The following MALT1 variants were observed in gnomAD, a reference collection of about 807,000 sequenced individuals.
MALT1 encodes mucosa-associated lymphoid tissue lymphoma translocation protein 1.
In MALT1, 36 loss-of-function variants were observed where a neutral mutation model predicts 85.5. That is an observed-to-expected ratio of 0.42 (90% CI 0.32 to 0.56). The LOEUF (loss-of-function observed/expected upper bound fraction) is 0.56. Ranked by LOEUF, MALT1 falls within the 20% of genes least tolerant of loss-of-function variation. MALT1 has a pLI of 0.10. For missense variants in MALT1, 716 were observed against 981.6 expected (o/e 0.73, Z 3.62); for synonymous variants, 359 against 361.3 (o/e 0.99, Z 0.07).
At chr18:58,674,066 C>A (rs1256428766) in intron 1 of MALT1, 2 of 151,998 alleles carry the variant, frequency 1.3e-5, no homozygotes, top group East Asian at 1.9e-4. Context: ...CTAACGAGTA[C>A]TCTGGTTAGG....
intron 7 of MALT1, among the ~76,000 whole-genome samples, 194 bp from the exon 8 acceptor site, chr18:58,713,889 A>C (rs956006173): frequency 6.6e-6 from 1 of 152,220 alleles, no homozygotes; most frequent in Non-Finnish European, 1.5e-5. Context: ...GAAGTCCTAA[A>C]TGATAAGCAC....
intron 13 of MALT1, 52 bp from the exon 14 acceptor site, chr18:58,741,813 A>G (rs2055304940): frequency 3.5e-6 from 4 of 1,146,884 alleles, no homozygotes; most frequent in Non-Finnish European, 4.9e-6. Flanking sequence ...TAAATATTTA[A>G]AACATAAGAA....
intron 3 of MALT1, 135 bp downstream of exon 3, chr18:58,696,622 G>A: frequency 1.7e-6 from 1 of 592,184 alleles, no homozygotes; most frequent in Non-Finnish European, 2.7e-6. Flanking sequence ...TATTACTGAA[G>A]TAGTCAATAG....
At chr18:58,740,125 G>A (rs901773790) in intron 13 of MALT1, among the ~76,000 whole-genome samples, 4 of 152,084 alleles carry the variant, frequency 2.6e-5, no homozygotes, top group South Asian at 2.1e-4. Flanking sequence ...TTTCAAATTC[G>A]TTGTCATTTA....
At chr18:58,708,530 A>G (rs1297969948) in intron 4 of MALT1, among the ~76,000 whole-genome samples, 2 of 152,180 alleles carry the variant, frequency 1.3e-5, no homozygotes, top group African/African-American at 4.8e-5. Context: ...TTCTAAAGGC[A>G]TTAGGTGGCA....
intron 15 of MALT1, 107 bp downstream of exon 15, chr18:58,744,602 TTA>T (rs1304217817): frequency 6.5e-6 from 3 of 462,878 alleles, no homozygotes; most frequent in East Asian, 4.3e-5. Flanking sequence ...ATATATATAT[TTA>T]TATATGTGTA....
chr18:58,737,474 C>T (rs1232442071), intron 13 of MALT1, among the ~76,000 whole-genome samples: 1 of 138,924 alleles, frequency 7.2e-6, no homozygotes, highest in African/African-American at 2.8e-5. Context: ...GAGCAAGCCC[C>T]ATCTCAAAAA....
intron 4 of MALT1, among the ~76,000 whole-genome samples, chr18:58,704,214 C>G (rs4940422): frequency 0.17 from 26,061 of 152,280 alleles, 2,303 homozygotes; most frequent in Admixed American, 0.21. Context: ...TTGCTGAATC[C>G]TAGAGTAGAT....
Position 58,747,998 on chromosome 18 carries a change from AATTACATTATTTAAT to A in MALT1, c.*157_*171del. On this transcript the variant is annotated 3_prime_UTR_variant, in exon 17 of 17. Coordinates refer to ENST00000649217, the MANE Select transcript of MALT1 (RefSeq NM_006785.4). The stretch of plus-strand genomic sequence containing the variant: ...AAACTTCAGGACTTTGAGATGTTGA[AATTACATTATTTAAT>A]TACAGACTTCCTCTTTCTAAGATTT... 3.3e-6 allele frequency: 2 copies of A among 610,736 alleles called. No homozygotes were observed. Among genetic ancestry groups the A allele is most frequent in the South Asian group, 4.0e-5 (2 of 50,396 alleles). 37.8% of individuals were successfully genotyped at this position (610,736 alleles called of 1,614,324 possible). A position where few individuals can be genotyped will look rare whatever the true frequency, so the allele number is the denominator to read the frequency against.
chr18:58,749,380 G>C lies in MALT1; in HGVS notation c.*1538G>C, dbSNP rs148268890. ...ACATGCCTGAGGCACCCCCCTAACAGGTGTCAGAGCTGAAATTCAAACCCC... is the reference window on the plus strand; with the variant it reads ...ACATGCCTGAGGCACCCCCCTAACACGTGTCAGAGCTGAAATTCAAACCCC... On this transcript the variant is annotated 3_prime_UTR_variant, in exon 17 of 17. Coordinates refer to ENST00000649217, the MANE Select transcript of MALT1 (RefSeq NM_006785.4). The C allele has an allele frequency of 4.6e-6, 1 of 216,790 alleles. No homozygotes were observed. The highest frequency in any genetic ancestry group is 6.9e-5 in the East Asian group (1 of 14,582). The allele number at this position is 216,790 out of a possible 1,614,324, so 13.4% of individuals were successfully genotyped here.
At chr18:58,691,159 G>T in intron 2 of MALT1, 1 of 247,994 alleles carries the variant, frequency 4.0e-6, no homozygotes, top group Non-Finnish European at 8.1e-6. Context: ...TCATGTTCTC[G>T]AGGCCTTCTG....
rs1171925177 is a variant in MALT1, at chr18:58,681,853, G to A, written c.376+517G>A. ...TCTTATGAGTTTTTCCTGAATTACC[G>A]ATATTGGATGAGGCTTTGTACTTCC... is the stretch of plus-strand genomic sequence containing the variant. On this transcript the variant is annotated intron_variant, in intron 2 of 16. Coordinates refer to ENST00000649217, the MANE Select transcript of MALT1 (RefSeq NM_006785.4). Among the ~76,000 whole-genome samples, 5 of 152,144 alleles carry A rather than the reference G, an allele frequency of 3.3e-5. No homozygotes were observed. In the East Asian group the frequency reaches 5.8e-4, roughly 18 times the overall value.
In MALT1 at chr18:58,746,730, T is replaced by A. The variant is rs540117074; in HGVS notation, c.2038-675T>A. On this transcript the variant is annotated intron_variant, in intron 16 of 16. Transcript: ENST00000649217. Reference sequence around the variant, plus strand: ...TTTATAAAACTGGTATAAAACCAGGTTTTTTTTTTTGTTTTGAGATGGTGT... The same window carrying A: ...TTTATAAAACTGGTATAAAACCAGGATTTTTTTTTTGTTTTGAGATGGTGT... 5.6e-3 allele frequency among the ~76,000 whole-genome samples: 570 copies of A among 102,390 alleles called. 3 individuals carry two copies. The highest frequency in any genetic ancestry group is 0.028 in the Middle Eastern group (5 of 178). 67.2% of individuals were successfully genotyped at this position (102,390 alleles called of 152,430 possible). A position where few individuals can be genotyped will look rare whatever the true frequency, so the allele number is the denominator to read the frequency against.
Position 58,671,739 on chromosome 18 carries a change from C to A in MALT1, c.96C>A (p.Arg32=). ...LAPPAGATLN[R]LREPLLRRLS... ...CTCCGGCCGGCGCGACCCTCAACCG[C>A]CTGCGGGAGCCGCTGCTGCGGAGGC... Residue 32 remains arginine, a synonymous_variant, in exon 1 of 17, where the codon CGC becomes CGA. Transcript: ENST00000649217. 7.8e-7 allele frequency: 1 copy of A among 1,277,560 alleles called. No homozygotes were observed. Among genetic ancestry groups the A allele is most frequent in the South Asian group, 2.6e-5 (1 of 38,882 alleles). The allele number at this position is 1,277,560 out of a possible 1,614,324, so 79.1% of individuals were successfully genotyped here. A position where few individuals can be genotyped will look rare whatever the true frequency, so the allele number is the denominator to read the frequency against.
intron 10 of MALT1, among the ~76,000 whole-genome samples, chr18:58,725,903 G>A (rs1602325984): frequency 6.6e-6 from 1 of 151,958 alleles, no homozygotes; most frequent in South Asian, 2.1e-4. Context: ...TCTACTAAAA[G>A]TACAAAAATT....
intron 1 of MALT1, chr18:58,672,631 AT>A (rs1602264691): frequency 6.6e-6 from 1 of 152,226 alleles, no homozygotes; most frequent in Admixed American, 6.5e-5. Flanking sequence ...AAAAATATTA[AT>A]TTATTTAAAA....
In MALT1 at chr18:58,723,042, TCAAAGC is replaced by T; in HGVS notation, c.1019-5_1019del. 5 of 1,610,906 alleles carry T rather than the reference TCAAAGC, an allele frequency of 3.1e-6. No homozygotes were observed. In the Admixed American group the frequency reaches 6.7e-5, roughly 22 times the overall value. On this transcript the variant is annotated splice_acceptor_variant and splice_polypyrimidine_tract_variant and coding_sequence_variant and intron_variant, in exon 10 of 17. Transcript: ENST00000649217. LOFTEE classifies it high-confidence loss of function. Reference sequence around the variant, plus strand: ...TTTAAACACCCCCTTTCTTTTTTTTTCAAAGCGAAGGACAAGGTTGCCCTTTTGATA... The same window carrying T: ...TTTAAACACCCCCTTTCTTTTTTTTTGAAGGACAAGGTTGCCCTTTTGATA...
intron 16 of MALT1, 62 bp downstream of exon 16, chr18:58,745,853 T>G (rs1304334318): frequency 6.7e-7 from 1 of 1,499,682 alleles, no homozygotes; most frequent in Non-Finnish European, 9.2e-7. Flanking sequence ...AAACTTATTT[T>G]GGCATAGACC....
At chr18:58,733,119 C>T (rs12608256) in intron 10 of MALT1, among the ~76,000 whole-genome samples, 60,384 of 151,952 alleles carry the variant, frequency 0.4, 14,446 homozygotes, top group South Asian at 0.52. Flanking sequence ...CCACGTTGGC[C>T]AGGCTGGTTT....
Sources: allele counts gnomAD v4.1 joint callset (sites outside exome capture counted in the v4.1 genomes callset), GRCh38; gene constraint gnomAD v4.1.1; transcripts MANE v1.5; gene names NCBI Gene and HGNC (gene_info 2026-07-23, HGNC 2026-07-21).